Variants in DPYD observed in about 807,000 individuals in gnomAD.
DPYD encodes dihydropyrimidine dehydrogenase [NADP(+)].
DPYD carries 109 observed loss-of-function variants against 116.2 expected under a neutral mutation model. The ratio of observed to expected loss-of-function variants is 0.94; its 90% CI spans 0.80 to 1.10. The LOEUF is 1.10. Among genes scored for constraint, DPYD ranks in the 50% least tolerant of loss-of-function variants. The pLI is 0.00. For missense variants in DPYD, 1,302 were observed against 1,254.5 expected, an observed-to-expected ratio of 1.04 and a Z score of -0.57; for synonymous variants, 440 against 432.0, an observed-to-expected ratio of 1.02 and a Z score of -0.23.
intron 8 of DPYD, among the ~76,000 whole-genome samples, chr1:97,670,875 C>T (rs186498228): frequency 2.0e-5 from 3 of 151,940 alleles, no homozygotes; most frequent in Non-Finnish European, 4.4e-5. Flanking sequence ...AATGAAAATA[C>T]CAAAAAGAAC....
chr1:97,751,529 AT>A (rs377457435), intron 3 of DPYD, among the ~76,000 whole-genome samples: 2 of 129,432 alleles, frequency 1.5e-5, no homozygotes, highest in African/African-American at 5.9e-5. Flanking sequence ...TGTAACCTCA[AT>A]GCTTTGGGAG....
chr1:97,336,482 C>T (rs1047970985), intron 16 of DPYD, among the ~76,000 whole-genome samples: 3 of 152,176 alleles, frequency 2.0e-5, no homozygotes, highest in African/African-American at 7.2e-5. Context: ...GGTGTGATGG[C>T]TCATGCCTGT....
intron 15 of DPYD, among the ~76,000 whole-genome samples, chr1:97,376,325 C>G (rs999014741): frequency 3.3e-5 from 5 of 152,176 alleles, no homozygotes; most frequent in African/African-American, 1.2e-4. Flanking sequence ...ATCCTTACAG[C>G]TTCCAAGCTT....
chr1:97,493,902 T>C (rs905814187), intron 13 of DPYD, among the ~76,000 whole-genome samples: 2 of 152,106 alleles, frequency 1.3e-5, no homozygotes, highest in Non-Finnish European at 2.9e-5. Flanking sequence ...TCTAACAAGA[T>C]AGAAGAGGGC....
intron 13 of DPYD, among the ~76,000 whole-genome samples, chr1:97,455,025 A>T (rs935967092): frequency 2.6e-5 from 4 of 151,910 alleles, no homozygotes. Context: ...AACACAAAGC[A>T]ATATATTATT....
At chr1:97,438,401 G>T (rs962036546) in intron 14 of DPYD, among the ~76,000 whole-genome samples, 8 of 151,900 alleles carry the variant, frequency 5.3e-5, no homozygotes, top group Non-Finnish European at 7.4e-5. Flanking sequence ...TCTCAGAAAT[G>T]GATTGTTGTT....
chr1:97,676,347 G>C (rs1305412349), intron 8 of DPYD, among the ~76,000 whole-genome samples: 6 of 152,094 alleles, frequency 3.9e-5, no homozygotes, highest in Non-Finnish European at 1.5e-5. Context: ...AAGAAGAATT[G>C]ATTTGTGTAA....
At chr1:97,581,397 A>G (rs1384202252) in intron 10 of DPYD, among the ~76,000 whole-genome samples, 2 of 150,238 alleles carry the variant, frequency 1.3e-5, no homozygotes, top group African/African-American at 2.4e-5. Flanking sequence ...AAGGCAGTGT[A>G]CTTGAATGGC....
At chr1:97,654,189 T>G (rs1259490378) in intron 8 of DPYD, among the ~76,000 whole-genome samples, 1 of 152,198 alleles carries the variant, frequency 6.6e-6, no homozygotes, top group African/African-American at 2.4e-5. Context: ...CCTGCTTCCA[T>G]AACGCATTTG....
chr1:97,616,716 T>C (rs1057301094), intron 8 of DPYD, among the ~76,000 whole-genome samples: 3 of 152,140 alleles, frequency 2.0e-5, no homozygotes, highest in Admixed American at 6.5e-5. Flanking sequence ...AAGAAATATA[T>C]ATCCTAGGTG....
chr1:97,492,035 T>C (rs1679004542), intron 13 of DPYD, among the ~76,000 whole-genome samples: 1 of 152,146 alleles, frequency 6.6e-6, no homozygotes. Flanking sequence ...GTATTTTTAA[T>C]TCATTTCCAC....
At chr1:97,784,923 C>T (rs569176518) in intron 3 of DPYD, among the ~76,000 whole-genome samples, 1 of 152,258 alleles carries the variant, frequency 6.6e-6, no homozygotes, top group African/African-American at 2.4e-5. Context: ...AAAACAATTC[C>T]TGCCCTGGTT....
chr1:97,878,469 G>A (rs1672028205), intron 2 of DPYD, among the ~76,000 whole-genome samples: 1 of 151,920 alleles, frequency 6.6e-6, no homozygotes. Flanking sequence ...AACTTTTGCA[G>A]TGATCCACAG....
Position 97,691,746 on chromosome 1 carries a change from T to A in DPYD, c.733A>T (p.Ile245Phe), listed in dbSNP as rs767836989. 24 of 1,613,748 alleles carry A rather than the reference T, an allele frequency of 1.5e-5. No individual in the cohort carries two copies. The East Asian group carries it at 2.0e-4, about 14-fold the overall frequency. ...ACACCAAGGTCCTTCATTAGCTCAATCTCAAAATTCACTACATCATACGGC... is the reference window on the plus strand; with the variant it reads ...ACACCAAGGTCCTTCATTAGCTCAAACTCAAAATTCACTACATCATACGGC... ...RLPYDVVNFE[I>F]ELMKDLGVKI... The change falls in exon 7 of 23, where the codon ATT becomes TTT. Residue 245 changes from isoleucine (I) to phenylalanine (F), a missense_variant. Coordinates refer to ENST00000370192, the MANE Select transcript of DPYD (RefSeq NM_000110.4).
chr1:97,236,611 T>C (rs574199935), intron 18 of DPYD, among the ~76,000 whole-genome samples: 1 of 152,182 alleles, frequency 6.6e-6, no homozygotes, highest in South Asian at 2.1e-4. Context: ...GTGAAAATAC[T>C]ATATATACTA....
chr1:97,287,511 G>A (rs530982557), intron 18 of DPYD, among the ~76,000 whole-genome samples: 126 of 152,272 alleles, frequency 8.3e-4, no homozygotes, highest in African/African-American at 3.0e-3. Flanking sequence ...CTTTTTGTTT[G>A]TCTGTGCCCT....
chr1:97,465,930 G>A lies in DPYD; in HGVS notation c.1741-15707C>T, dbSNP rs189461524. Among the ~76,000 whole-genome samples, 42 of 152,162 alleles carry A rather than the reference G, an allele frequency of 2.8e-4. No individual in the cohort carries two copies. In the East Asian group the frequency reaches 7.7e-3, roughly 28 times the overall value. On this transcript the variant is annotated intron_variant, in intron 13 of 22. Coordinates refer to ENST00000370192, the MANE Select transcript of DPYD (RefSeq NM_000110.4). ...TTCAAGACCAGCCTGGACAATGTGG[G>A]GAAACCTTGTCTCTACAAAAATTAG... is the stretch of plus-strand genomic sequence containing the variant.
intron 8 of DPYD, among the ~76,000 whole-genome samples, chr1:97,637,101 C>G (rs1657611369): frequency 6.6e-6 from 1 of 152,116 alleles, no homozygotes; most frequent in Non-Finnish European, 1.5e-5. Context: ...GCCATAAATT[C>G]CATCTTCTGG....
At position 97,429,696 on chromosome 1, in the gene DPYD, G is replaced by A. The variant is rs146913247; in HGVS notation, c.1905+20363C>T. On this transcript the variant is annotated intron_variant, in intron 14 of 22. Coordinates refer to ENST00000370192, the MANE Select transcript of DPYD (RefSeq NM_000110.4). ...AGTGATAAAGTATGTCTACTACTCA[G>A]TCTAGTAACTGGCACAAAAACAAGT... Among the ~76,000 whole-genome samples, 251 of 152,162 alleles carry A rather than the reference G, an allele frequency of 1.6e-3. 1 individual carries two copies. Among genetic ancestry groups the A allele is most frequent in the African/African-American group, 5.8e-3 (243 of 41,542 alleles).
Sources: allele counts gnomAD v4.1 joint callset (sites outside exome capture counted in the v4.1 genomes callset), GRCh38; gene constraint gnomAD v4.1.1; transcripts MANE v1.5; gene names NCBI Gene and HGNC (gene_info 2026-07-23, HGNC 2026-07-21).